INSC: variants seen among roughly 807,000 people sequenced by gnomAD.
The protein encoded by INSC is protein inscuteable homolog.
In INSC, 67 loss-of-function variants were observed where a neutral mutation model predicts 58.6. The observed-to-expected ratio is 1.14, with a 90% CI of 0.94 to 1.40. The LOEUF (loss-of-function observed/expected upper bound fraction) is 1.40. Ranked by LOEUF, INSC falls within the 40% of genes most tolerant of loss-of-function variation. The pLI, the probability that INSC is intolerant of heterozygous loss-of-function variation, is 0.00. For synonymous variants in INSC, 262 were observed against 276.1 expected, an observed-to-expected ratio of 0.95 and a Z score of 0.51; for missense variants, 714 against 692.0, an observed-to-expected ratio of 1.03 and a Z score of -0.36.
At chr11:15,230,401 G>C (rs1851881610) in intron 9 of INSC, among the ~76,000 whole-genome samples, 1 of 151,824 alleles carries the variant, frequency 6.6e-6, no homozygotes, top group Non-Finnish European at 1.5e-5. Flanking sequence ...GAGAGTGAAG[G>C]GGGAGGTGCT....
chr11:15,219,557 G>C (rs1327071207), intron 7 of INSC, among the ~76,000 whole-genome samples: 3 of 152,116 alleles, frequency 2.0e-5, no homozygotes, highest in Non-Finnish European at 4.4e-5. Context: ...GGTGGCAGCA[G>C]ACCCTGGGGA....
intron 2 of INSC, among the ~76,000 whole-genome samples, chr11:15,151,911 C>T (rs79607178): frequency 2.0e-5 from 3 of 152,142 alleles, no homozygotes; most frequent in African/African-American, 7.2e-5. Context: ...TAGAATTTTT[C>T]TCTCCGAATC....
At chr11:15,225,530 TA>T in intron 8 of INSC, 119 bp from the exon 9 acceptor site, 1 of 1,011,510 alleles carries the variant, frequency 9.9e-7, no homozygotes. Context: ...TCCTCATCTG[TA>T]AAATGGGTAT....
At chr11:15,134,788 G>A (rs1404996193) in intron 1 of INSC, among the ~76,000 whole-genome samples, 1 of 151,914 alleles carries the variant, frequency 6.6e-6, no homozygotes, top group African/African-American at 2.4e-5. Flanking sequence ...TGGATTAGGT[G>A]GCTCTACTCC....
intron 1 of INSC, among the ~76,000 whole-genome samples, chr11:15,119,488 G>T (rs925646500): frequency 6.6e-5 from 10 of 152,194 alleles, no homozygotes; most frequent in African/African-American, 1.9e-4. Flanking sequence ...AGGATGTCTT[G>T]GGGCAGATCA....
At chr11:15,193,824 G>A (rs1486337521) in intron 6 of INSC, among the ~76,000 whole-genome samples, 1 of 152,144 alleles carries the variant, frequency 6.6e-6, no homozygotes, top group African/African-American at 2.4e-5. Context: ...GGATGGCTGG[G>A]TCAAATGGTA....
intron 7 of INSC, among the ~76,000 whole-genome samples, chr11:15,207,923 C>T (rs1419396010): frequency 6.6e-6 from 1 of 152,106 alleles, no homozygotes; most frequent in African/African-American, 2.4e-5. Flanking sequence ...GATAGAGATA[C>T]TGGGAGGGAC....
chr11:15,229,989 AT>A (rs1193173081), intron 9 of INSC, among the ~76,000 whole-genome samples: 40 of 30,266 alleles, frequency 1.3e-3, no homozygotes, highest in Non-Finnish European at 1.8e-3. Context: ...TTATATATAT[AT>A]ATATATATAT....
At chr11:15,112,444 G>C, upstream of INSC, 1 of 1,576,904 alleles carries the variant, frequency 6.3e-7, no homozygotes, top group South Asian at 1.2e-5. Flanking sequence ...AGGAGACTTG[G>C]AGTCGCTGCA....
chr11:15,170,220 T>C (rs1015556515), intron 2 of INSC, among the ~76,000 whole-genome samples: 3 of 152,214 alleles, frequency 2.0e-5, no homozygotes, highest in Non-Finnish European at 2.9e-5. Context: ...TGAATCCATA[T>C]ATGCAAAATC....
the INSC span, among the ~76,000 whole-genome samples, chr11:15,254,384 G>T: frequency 1.2e-4 from 19 of 152,230 alleles, no homozygotes; most frequent in East Asian, 3.7e-3. Context: ...ATAAGTAAGT[G>T]CCAGGATTAC....
At chr11:15,226,547 G>T (rs181712543) in intron 9 of INSC, among the ~76,000 whole-genome samples, 1 of 152,322 alleles carries the variant, frequency 6.6e-6, no homozygotes, top group Non-Finnish European at 1.5e-5. Context: ...AGGAGTGGGG[G>T]TGGTAGATTA....
At chr11:15,117,748 A>G (rs1052269943) in intron 1 of INSC, among the ~76,000 whole-genome samples, 5 of 152,208 alleles carry the variant, frequency 3.3e-5, no homozygotes, top group Admixed American at 6.5e-5. Flanking sequence ...AATTTCAAAT[A>G]TGTCATCTGG....
At chr11:15,219,372 C>T (rs915307897) in intron 7 of INSC, among the ~76,000 whole-genome samples, 7 of 152,190 alleles carry the variant, frequency 4.6e-5, no homozygotes, top group East Asian at 3.9e-4. Context: ...CTCCAGGAGG[C>T]CCCTCTGTAG....
chr11:15,206,880 C>A (rs1401420550), intron 7 of INSC, among the ~76,000 whole-genome samples: 2 of 152,192 alleles, frequency 1.3e-5, no homozygotes, highest in Non-Finnish European at 2.9e-5. Flanking sequence ...GTTTCCTTTT[C>A]CTCCTCCCAT....
intron 6 of INSC, among the ~76,000 whole-genome samples, chr11:15,195,758 G>A (rs976802233): frequency 1.3e-5 from 2 of 152,202 alleles, no homozygotes; most frequent in Admixed American, 6.5e-5. Context: ...CAAGAGGGCA[G>A]CTCTCATCCC....
intron 9 of INSC, 74 bp from the exon 10 acceptor site, chr11:15,235,528 C>G: frequency 2.6e-6 from 3 of 1,154,526 alleles, no homozygotes; most frequent in Non-Finnish European, 3.9e-6. Flanking sequence ...TAGCCCCTGG[C>G]TGACCTGTCT....
At chr11:15,153,971 A>G (rs916291027) in intron 2 of INSC, among the ~76,000 whole-genome samples, 1 of 152,234 alleles carries the variant, frequency 6.6e-6, no homozygotes, top group African/African-American at 2.4e-5. Context: ...ACTTTAGTGG[A>G]GTTCTCACAT....
chr11:15,117,036 G>A (rs549679025), intron 1 of INSC, among the ~76,000 whole-genome samples: 97 of 149,432 alleles, frequency 6.5e-4, no homozygotes, highest in Non-Finnish European at 1.2e-3. Flanking sequence ...TCTGCCCCCC[G>A]GATTCAAGCG....
Sources: allele counts gnomAD v4.1 joint callset (sites outside exome capture counted in the v4.1 genomes callset), GRCh38; gene constraint gnomAD v4.1.1; transcripts MANE v1.5; gene names NCBI Gene and HGNC (gene_info 2026-07-23, HGNC 2026-07-21).